Variants in FAM227B observed in about 807,000 individuals in gnomAD.
The protein encoded by FAM227B is family with sequence similarity 227 member B, also known as protein FAM227B.
A neutral mutation model predicts 73.8 loss-of-function variants in FAM227B; 88 were observed. The observed-to-expected ratio is 1.19, with a 90% CI of 1.00 to 1.42. The LOEUF is 1.42. Among genes scored for constraint, FAM227B ranks in the 40% most tolerant of loss-of-function variants. The pLI is 0.00. For missense variants in FAM227B, 632 were observed against 590.9 expected, an observed-to-expected ratio of 1.07 and a Z score of -0.72; for synonymous variants, 210 against 190.5, an observed-to-expected ratio of 1.10 and a Z score of -0.84.
intron 9 of FAM227B, among the ~76,000 whole-genome samples, chr15:49,556,653 C>A (rs2073725730): frequency 6.9e-6 from 1 of 144,360 alleles, no homozygotes. Flanking sequence ...AGGCTGGACC[C>A]AAGGAGAGGC....
chr15:49,446,373 A>G (rs902644280), intron 11 of FAM227B, among the ~76,000 whole-genome samples: 2 of 151,608 alleles, frequency 1.3e-5, no homozygotes, highest in African/African-American at 2.4e-5. Context: ...ACAAAGATAA[A>G]CAATGTGACT....
intron 11 of FAM227B, among the ~76,000 whole-genome samples, chr15:49,472,901 T>C (rs1399417745): frequency 7.1e-6 from 1 of 140,064 alleles, no homozygotes; most frequent in Non-Finnish European, 1.7e-5. Context: ...GAGTATCTAA[T>C]TTTTTGGGTA....
At chr15:49,501,362 T>C (rs549200999) in intron 11 of FAM227B, among the ~76,000 whole-genome samples, 2 of 152,290 alleles carry the variant, frequency 1.3e-5, no homozygotes, top group South Asian at 4.2e-4. Flanking sequence ...AACAAACTTA[T>C]TGGGAACTGG....
In FAM227B at chr15:49,534,558, A is replaced by C. The variant is rs910775222; in HGVS notation, c.874+7122T>G. On this transcript the variant is annotated intron_variant, in intron 10 of 15. Transcript: ENST00000299338. Reference sequence around the variant, plus strand: ...AACACTCTGCTTTCAACACTGGATAAATTAAGAAGACAAGATTAATAATGA... The same window carrying C: ...AACACTCTGCTTTCAACACTGGATACATTAAGAAGACAAGATTAATAATGA... Among the ~76,000 whole-genome samples the C allele has an allele frequency of 4.0e-5, 3 of 74,926 alleles. No individual in the cohort carries two copies. In the Admixed American group the frequency reaches 5.2e-4, roughly 13 times the overall value. The allele number at this position is 74,926 out of a possible 152,430, so 49.2% of individuals were successfully genotyped here.
chr15:49,514,536 T>C (rs1408947068), intron 10 of FAM227B, among the ~76,000 whole-genome samples: 1 of 152,184 alleles, frequency 6.6e-6, no homozygotes, highest in African/African-American at 2.4e-5. Context: ...GGTCATGTTA[T>C]CTGCAACAGA....
At chr15:49,522,517 C>G (rs1363217077) in intron 10 of FAM227B, among the ~76,000 whole-genome samples, 1 of 151,750 alleles carries the variant, frequency 6.6e-6, no homozygotes, top group East Asian at 1.9e-4. Flanking sequence ...CAATAAGACC[C>G]AAGACAAAGT....
chr15:49,377,179 T>G (rs555852206), intron 11 of FAM227B, among the ~76,000 whole-genome samples: 60 of 152,154 alleles, frequency 3.9e-4, no homozygotes, highest in African/African-American at 1.4e-3. Flanking sequence ...TTCTTCCATG[T>G]TGTTGCAAAT....
Position 49,577,049 on chromosome 15 carries a change from C to G in FAM227B, c.442-204G>C, listed in dbSNP as rs1269735745. 27 of 449,662 alleles carry G rather than the reference C, an allele frequency of 6.0e-5. No homozygotes were observed. The Admixed American group carries it at 1.1e-3, about 18-fold the overall frequency. 27.9% of individuals were successfully genotyped at this position (449,662 alleles called of 1,614,324 possible). On this transcript the variant is annotated intron_variant, in intron 6 of 15. Transcript: ENST00000299338. Reference sequence around the variant, plus strand: ...CGGTGGCTCACGCCTGTAATCCCACCACACTGGGAGGCTGAAGTGGGTGGA... The same window carrying G: ...CGGTGGCTCACGCCTGTAATCCCACGACACTGGGAGGCTGAAGTGGGTGGA...
intron 9 of FAM227B, among the ~76,000 whole-genome samples, chr15:49,546,700 TG>T (rs1809205710): frequency 6.6e-6 from 1 of 152,138 alleles, no homozygotes; most frequent in Non-Finnish European, 1.5e-5. Context: ...TGCATTTCTC[TG>T]ATGGCCAGTG....
chr15:49,368,414 C>A (rs2045527002), intron 12 of FAM227B, among the ~76,000 whole-genome samples: 1 of 152,014 alleles, frequency 6.6e-6, no homozygotes, highest in Admixed American at 6.6e-5. Context: ...ACAAAAAGTT[C>A]TCTTGAATTT....
In FAM227B at chr15:49,328,409, C is replaced by A. The variant is rs1159930302; in HGVS notation, c.*159G>T. On this transcript the variant is annotated 3_prime_UTR_variant, in exon 16 of 16. Transcript: ENST00000299338. ...GGACAGATCTTTTAAGAATAACTTA[C>A]TGAGATTTATTGATTTGAAGATTTT... 1.4e-6 allele frequency: 2 copies of A among 1,431,210 alleles called. No homozygotes were observed. The highest frequency in any genetic ancestry group is 1.8e-6 in the Non-Finnish European group (2 of 1,095,210). 88.7% of individuals were successfully genotyped at this position (1,431,210 alleles called of 1,614,324 possible).
chr15:49,485,734 TA>T, intron 11 of FAM227B: 1 of 152,624 alleles, frequency 6.6e-6, no homozygotes, highest in Admixed American at 6.6e-5. Flanking sequence ...AATTGGATCA[TA>T]TAAGTAAAAT....
intron 14 of FAM227B, among the ~76,000 whole-genome samples, chr15:49,332,176 A>C (rs2038918724): frequency 6.6e-6 from 1 of 152,024 alleles, no homozygotes; most frequent in Admixed American, 6.6e-5. Context: ...ACTGTGACTC[A>C]AGCCTTCAGT....
At chr15:49,424,556 G>T in intron 11 of FAM227B, 1 of 1,596,496 alleles carries the variant, frequency 6.3e-7, no homozygotes, top group East Asian at 2.2e-5. Flanking sequence ...CAAAGTAAAA[G>T]GGACCCAAGA....
intron 11 of FAM227B, among the ~76,000 whole-genome samples, chr15:49,458,001 C>A (rs534627613): frequency 6.6e-6 from 1 of 151,386 alleles, no homozygotes. Context: ...ATATTTTTTC[C>A]CCAAAAGCAC....
At chr15:49,586,452 G>C (rs754951847) in intron 5 of FAM227B, among the ~76,000 whole-genome samples, 1 of 152,094 alleles carries the variant, frequency 6.6e-6, no homozygotes, top group Non-Finnish European at 1.5e-5. Context: ...GACAACCTAG[G>C]TAATACCATT....
chr15:49,390,937 G>A (rs937295920), intron 11 of FAM227B, among the ~76,000 whole-genome samples: 28 of 151,718 alleles, frequency 1.8e-4, no homozygotes, highest in Non-Finnish European at 4.1e-4. Context: ...ATCTCCATTG[G>A]AAAGAACTGT....
At chr15:49,479,609 T>TTTTTTTTG (rs1567359332) in intron 11 of FAM227B, among the ~76,000 whole-genome samples, 13 of 133,322 alleles carry the variant, frequency 9.8e-5, no homozygotes, top group African/African-American at 3.7e-4. Flanking sequence ...GTTTTTTTTT[T>TTTTTTTTG]TTTTTTTTTT....
At chr15:49,568,747 G>A (rs34951376) in intron 8 of FAM227B, among the ~76,000 whole-genome samples, 7,953 of 152,028 alleles carry the variant, frequency 0.052, 358 homozygotes, top group East Asian at 0.23. Flanking sequence ...TGGTTATGGT[G>A]TATAATCCTT....
Sources: allele counts gnomAD v4.1 joint callset (sites outside exome capture counted in the v4.1 genomes callset), GRCh38; gene constraint gnomAD v4.1.1; transcripts MANE v1.5; gene names NCBI Gene and HGNC (gene_info 2026-07-23, HGNC 2026-07-21).